The following MCCC2 variants were observed in gnomAD, a reference collection of about 807,000 sequenced individuals.
MCCC2 encodes methylcrotonyl-CoA carboxylase subunit 2, also known as methylcrotonoyl-CoA carboxylase beta chain, mitochondrial.
In MCCC2, 52 loss-of-function variants were observed where a neutral mutation model predicts 77.2. The ratio of observed to expected loss-of-function variants is 0.67; its 90% CI spans 0.54 to 0.85. MCCC2 has a LOEUF of 0.85. MCCC2 is among the 40% of genes least tolerant of loss of function. MCCC2 has a pLI of 0.00. For synonymous variants in MCCC2, 253 were observed against 248.4 expected, an observed-to-expected ratio of 1.02 and a Z score of -0.18; for missense variants, 682 against 703.2, an observed-to-expected ratio of 0.97 and a Z score of 0.34.
At position 71,657,283 on chromosome 5, in the gene MCCC2, C is replaced by T. The variant is rs1035423057; in HGVS notation, c.*423C>T. The T allele has an allele frequency of 4.3e-6, 1 of 233,458 alleles. No homozygotes were observed. The highest frequency in any genetic ancestry group is 1.8e-3 in the Middle Eastern group (1 of 564). The allele number at this position is 233,458 out of a possible 1,614,324, so 14.5% of individuals were successfully genotyped here. ...TATTTTTGAAAGGCATCTGTTACTTCAGTGGCATAAAGTGCCCTCACACTG... is the reference window on the plus strand; with the variant it reads ...TATTTTTGAAAGGCATCTGTTACTTTAGTGGCATAAAGTGCCCTCACACTG... On this transcript the variant is annotated 3_prime_UTR_variant, in exon 17 of 17. Transcript: ENST00000340941.
At chr5:71,599,789 T>G in intron 4 of MCCC2, 29 bp downstream of exon 4, 8 of 1,578,798 alleles carry the variant, frequency 5.1e-6, no homozygotes, top group Non-Finnish European at 7.0e-6. Flanking sequence ...CTTCATAATG[T>G]GGGTTGAGAA....
At chr5:71,593,089 A>ATTTT in intron 2 of MCCC2, 97 bp downstream of exon 2, 2 of 799,492 alleles carry the variant, frequency 2.5e-6, no homozygotes, top group Admixed American at 3.1e-5. Flanking sequence ...AGCTTTTGAT[A>ATTTT]TTTTTTTTTT....
intron 4 of MCCC2, among the ~76,000 whole-genome samples, chr5:71,599,996 T>A (rs1010645955): frequency 6.6e-6 from 1 of 151,916 alleles, no homozygotes; most frequent in Non-Finnish European, 1.5e-5. Flanking sequence ...TGAAACCCTG[T>A]CTCTACTAAA....
intron 6 of MCCC2, among the ~76,000 whole-genome samples, chr5:71,607,461 C>T (rs1257514081): frequency 6.8e-6 from 1 of 146,066 alleles, no homozygotes; most frequent in Non-Finnish European, 1.5e-5. Flanking sequence ...TTTGATTCTT[C>T]TCTCTTTTTT....
intron 16 of MCCC2, 79 bp downstream of exon 16, chr5:71,652,833 T>C (rs1747477192): frequency 8.7e-7 from 1 of 1,149,246 alleles, no homozygotes; most frequent in Non-Finnish European, 1.3e-6. Flanking sequence ...CTCTGTGTAG[T>C]TGAGATGGTC....
intron 6 of MCCC2, among the ~76,000 whole-genome samples, chr5:71,610,950 C>T (rs1745915270): frequency 1.3e-5 from 2 of 152,204 alleles, no homozygotes; most frequent in Admixed American, 1.3e-4. Flanking sequence ...CATGCCACTG[C>T]ACTCCAGCCT....
chr5:71,610,523 G>A (rs566004570), intron 6 of MCCC2, among the ~76,000 whole-genome samples: 133 of 152,114 alleles, frequency 8.7e-4, no homozygotes, highest in Admixed American at 6.6e-4. Context: ...GAAATCACCC[G>A]TCTTCTGCGT....
chr5:71,618,969 AGTTT>A (rs1746275259), intron 6 of MCCC2, among the ~76,000 whole-genome samples: 1 of 152,126 alleles, frequency 6.6e-6, no homozygotes, highest in Non-Finnish European at 1.5e-5. Context: ...TTGAATGAAC[AGTTT>A]GTTTCTTCTG....
intron 6 of MCCC2, among the ~76,000 whole-genome samples, chr5:71,624,855 A>C: frequency 6.6e-6 from 1 of 151,052 alleles, no homozygotes. Flanking sequence ...CACCACACCC[A>C]ATTAATTTTT....
At chr5:71,606,916 G>T (rs1034855759) in intron 6 of MCCC2, among the ~76,000 whole-genome samples, 1 of 151,218 alleles carries the variant, frequency 6.6e-6, no homozygotes, top group African/African-American at 2.4e-5. Context: ...TTGCATCCCA[G>T]GGATGAAGCC....
intron 6 of MCCC2, among the ~76,000 whole-genome samples, chr5:71,623,988 CAT>C (rs1482837772): frequency 6.6e-6 from 1 of 152,246 alleles, no homozygotes; most frequent in African/African-American, 2.4e-5. Flanking sequence ...ACCAAATTAT[CAT>C]AGACTACTGG....
chr5:71,589,343 A>G (rs1319997361), intron 1 of MCCC2, among the ~76,000 whole-genome samples: 1 of 152,226 alleles, frequency 6.6e-6, no homozygotes, highest in Non-Finnish European at 1.5e-5. Context: ...TTAGTCTCTC[A>G]CTTGATTTTG....
At chr5:71,650,908 C>A (rs1747421241) in intron 15 of MCCC2, among the ~76,000 whole-genome samples, 1 of 152,166 alleles carries the variant, frequency 6.6e-6, no homozygotes, top group South Asian at 2.1e-4. Flanking sequence ...CTTGGCCTCC[C>A]AAAGTGCTGG....
At chr5:71,594,706 C>G (rs1309724281) in intron 2 of MCCC2, among the ~76,000 whole-genome samples, 1 of 151,918 alleles carries the variant, frequency 6.6e-6, no homozygotes, top group Admixed American at 6.6e-5. Context: ...GGGGAAAGGA[C>G]AAACTTGGCT....
chr5:71,595,830 A>G (rs183601278), intron 2 of MCCC2, among the ~76,000 whole-genome samples: 1 of 152,344 alleles, frequency 6.6e-6, no homozygotes, highest in Admixed American at 6.5e-5. Flanking sequence ...GTTACGGATC[A>G]CTAATGTCAT....
At chr5:71,604,089 G>A (rs1745566162) in intron 5 of MCCC2, among the ~76,000 whole-genome samples, 1 of 152,174 alleles carries the variant, frequency 6.6e-6, no homozygotes, top group Admixed American at 6.5e-5. Context: ...TGTTTCTGGG[G>A]CTTTAGCTGG....
At chr5:71,631,182 CA>C (rs1746696511) in intron 7 of MCCC2, among the ~76,000 whole-genome samples, 1 of 152,124 alleles carries the variant, frequency 6.6e-6, no homozygotes, top group Non-Finnish European at 1.5e-5. Context: ...ATGAATAAAT[CA>C]CAGTTCCTGC....
At chr5:71,642,649 C>G (rs550374141) in intron 11 of MCCC2, among the ~76,000 whole-genome samples, 165 of 152,310 alleles carry the variant, frequency 1.1e-3, no homozygotes, top group African/African-American at 4.0e-3. Context: ...GTTAAATTCC[C>G]ATGTCTTTGT....
rs1455402705 is a variant in MCCC2 at position 71,657,292 on chromosome 5, A to G, written c.*432A>G. ...AAGGCATCTGTTACTTCAGTGGCATAAAGTGCCCTCACACTGCTGTGCAGC... is the reference window on the plus strand; with the variant it reads ...AAGGCATCTGTTACTTCAGTGGCATGAAGTGCCCTCACACTGCTGTGCAGC... On this transcript the variant is annotated 3_prime_UTR_variant, in exon 17 of 17. Coordinates refer to ENST00000340941, the MANE Select transcript of MCCC2 (RefSeq NM_022132.5). 2 of 227,138 alleles carry G rather than the reference A, an allele frequency of 8.8e-6. No individual in the cohort carries two copies. Among genetic ancestry groups the G allele is most frequent in the Non-Finnish European group, 1.8e-5 (2 of 113,666 alleles). 14.1% of individuals were successfully genotyped at this position (227,138 alleles called of 1,614,324 possible).
Sources: allele counts gnomAD v4.1 joint callset (sites outside exome capture counted in the v4.1 genomes callset), GRCh38; gene constraint gnomAD v4.1.1; transcripts MANE v1.5; gene names NCBI Gene and HGNC (gene_info 2026-07-23, HGNC 2026-07-21).